MICU1: variants seen among roughly 807,000 people sequenced by gnomAD.
MICU1 encodes calcium uptake protein 1, mitochondrial.
A neutral mutation model predicts 56.8 loss-of-function variants in MICU1; 45 were observed. The ratio of observed to expected loss-of-function variants is 0.79; its 90% CI spans 0.62 to 1.02. The LOEUF is 1.02. MICU1 is among the 50% of genes least tolerant of loss of function. MICU1 has a pLI of 0.00. For synonymous variants in MICU1, 186 were observed against 195.1 expected (o/e 0.95, Z 0.39); for missense variants, 504 against 587.1 (o/e 0.86, Z 1.46).
Position 72,474,388 on chromosome 10 carries a change from T to C in MICU1, c.933+712A>G, listed in dbSNP as rs1280770592. Among the ~76,000 whole-genome samples, 8 of 150,892 alleles carry C rather than the reference T, an allele frequency of 5.3e-5. No individual in the cohort carries two copies. In the South Asian group the frequency reaches 1.5e-3, roughly 28 times the overall value. On this transcript the variant is annotated intron_variant, in intron 8 of 11. Coordinates refer to ENST00000361114, the MANE Select transcript of MICU1 (RefSeq NM_001195518.2). The stretch of plus-strand genomic sequence containing the variant: ...TTTTGTCTCCAGACAAAAATACATA[T>C]AGAAGGCATTTGATCAATGTTTTGA...
At chr10:72,413,251 G>A (rs985446936) in intron 9 of MICU1, among the ~76,000 whole-genome samples, 3 of 151,758 alleles carry the variant, frequency 2.0e-5, no homozygotes, top group Admixed American at 2.0e-4. Flanking sequence ...AACCACATAG[G>A]AGCAAATCTT....
At chr10:72,407,328 C>T (rs1394509550) in intron 10 of MICU1, among the ~76,000 whole-genome samples, 1 of 152,084 alleles carries the variant, frequency 6.6e-6, no homozygotes, top group African/African-American at 2.4e-5. Flanking sequence ...GTCAGTTGAG[C>T]TGAATATGTG....
rs1841556141 is a variant in MICU1, at chr10:72,602,192, C to T, written c.-2+23818G>A. Among the ~76,000 whole-genome samples the T allele has an allele frequency of 2.0e-5, 3 of 151,302 alleles. No homozygotes were observed. The South Asian group carries it at 6.3e-4, about 32-fold the overall frequency. ...ACAGGCCAGGCACGGTGGCTCTCTC[C>T]CAAATCCTAGCAATTTGGGAGGCTG... On this transcript the variant is annotated intron_variant, in intron 1 of 11. Transcript: ENST00000361114.
At chr10:72,494,530 G>C (rs1411724006) in intron 6 of MICU1, among the ~76,000 whole-genome samples, 1 of 151,998 alleles carries the variant, frequency 6.6e-6, no homozygotes, top group Non-Finnish European at 1.5e-5. Flanking sequence ...GTTACTATAA[G>C]CTTATTATCA....
chr10:72,446,061 G>A (rs1032684688), intron 8 of MICU1, among the ~76,000 whole-genome samples: 15 of 152,032 alleles, frequency 9.9e-5, no homozygotes, highest in African/African-American at 3.6e-4. Flanking sequence ...GTATGTCAGA[G>A]CTTGCAGAAT....
intron 6 of MICU1, among the ~76,000 whole-genome samples, chr10:72,486,106 T>G (rs1424227038): frequency 6.6e-6 from 1 of 152,132 alleles, no homozygotes; most frequent in Non-Finnish European, 1.5e-5. Flanking sequence ...GTTGCTCAAA[T>G]TATGTTATTT....
rs1159542862 is a variant in MICU1, at chr10:72,566,802, C to T, written c.-1-8G>A. 6 of 1,602,402 alleles carry T rather than the reference C, an allele frequency of 3.7e-6. No individual in the cohort carries two copies. Among genetic ancestry groups the T allele is most frequent in the Non-Finnish European group, 4.3e-6 (5 of 1,175,014 alleles). Reference sequence around the variant, plus strand: ...GAGTTCAGACGAAACATCCTGTGGACAATAAGTAGAAATGTCACTCTTAGC... The same window carrying T: ...GAGTTCAGACGAAACATCCTGTGGATAATAAGTAGAAATGTCACTCTTAGC... On this transcript the variant is annotated splice_region_variant and splice_polypyrimidine_tract_variant and intron_variant, in intron 1 of 11. Transcript: ENST00000361114.
In MICU1 at chr10:72,569,237, A is replaced by AT. The variant is rs1178823534; in HGVS notation, c.-1-2444dup. Among the ~76,000 whole-genome samples the AT allele has an allele frequency of 3.8e-3, 132 of 34,364 alleles. 12 individuals are homozygous for AT. Among genetic ancestry groups the AT allele is most frequent in the Admixed American group, 8.5e-3 (14 of 1,650 alleles). 22.5% of individuals were successfully genotyped at this position (34,364 alleles called of 152,430 possible). ...TATATATATATATATATATATATAT[A>AT]TTTTTTTTTTTTTTTGAGATGGCGT... On this transcript the variant is annotated intron_variant, in intron 1 of 11. Transcript: ENST00000361114.
intron 1 of MICU1, among the ~76,000 whole-genome samples, chr10:72,572,605 GATA>G (rs982342688): frequency 2.6e-5 from 4 of 151,922 alleles, no homozygotes; most frequent in African/African-American, 4.8e-5. Flanking sequence ...TATTAAAAAT[GATA>G]ATAATAAAAT....
chr10:72,412,454 A>G (rs1863846655), intron 9 of MICU1, among the ~76,000 whole-genome samples: 1 of 152,242 alleles, frequency 6.6e-6, no homozygotes, highest in Non-Finnish European at 1.5e-5. Context: ...AGAAGATAAG[A>G]TTAATGATAG....
At chr10:72,439,350 GC>G (rs564145863) in intron 8 of MICU1, among the ~76,000 whole-genome samples, 114 of 152,034 alleles carry the variant, frequency 7.5e-4, no homozygotes, top group African/African-American at 2.7e-3. Context: ...AAATTCAACA[GC>G]CCTTCAGGCT....
chr10:72,467,298 C>T (rs940093905), intron 8 of MICU1, among the ~76,000 whole-genome samples: 1 of 152,174 alleles, frequency 6.6e-6, no homozygotes, highest in Non-Finnish European at 1.5e-5. Context: ...ATTCTCATGC[C>T]TCAGCTTCCC....
At chr10:72,612,011 C>CA (rs55767300) in intron 1 of MICU1, among the ~76,000 whole-genome samples, 66,641 of 119,786 alleles carry the variant, frequency 0.56, 18,480 homozygotes, top group Non-Finnish European at 0.66. Flanking sequence ...ACCAACCAAC[C>CA]AAAAAAAAAA....
chr10:72,554,885 C>T (rs1216983041), intron 3 of MICU1, among the ~76,000 whole-genome samples: 2 of 152,018 alleles, frequency 1.3e-5, no homozygotes, highest in African/African-American at 4.8e-5. Flanking sequence ...TGTGGTGGTA[C>T]ACACCTGTAG....
At chr10:72,371,736 C>T (rs1015314470) in intron 11 of MICU1, among the ~76,000 whole-genome samples, 2 of 149,256 alleles carry the variant, frequency 1.3e-5, no homozygotes, top group African/African-American at 5.0e-5. Context: ...AAGAGTGAAA[C>T]TCCATCTCAA....
In MICU1 at chr10:72,517,494, C is replaced by T. The variant is rs137914862; in HGVS notation, c.538-9225G>A. 2.8e-3 allele frequency among the ~76,000 whole-genome samples: 419 copies of T among 152,236 alleles called. 1 individual carries two copies. Among genetic ancestry groups the T allele is most frequent in the African/African-American group, 9.6e-3 (400 of 41,552 alleles). On this transcript the variant is annotated intron_variant, in intron 5 of 11. Coordinates refer to ENST00000361114, the MANE Select transcript of MICU1 (RefSeq NM_001195518.2). ...GCAGCAACTTGGATAGGACTGGAAA[C>T]TATTATTATAAACGAAGTAACTCAA... is the stretch of plus-strand genomic sequence containing the variant.
At chr10:72,382,475 T>C (rs1002887392) in intron 10 of MICU1, among the ~76,000 whole-genome samples, 20 of 151,826 alleles carry the variant, frequency 1.3e-4, no homozygotes, top group Admixed American at 1.2e-3. Flanking sequence ...GTGATGTGGG[T>C]TGGGGGTTTC....
intron 5 of MICU1, among the ~76,000 whole-genome samples, chr10:72,527,671 T>A (rs1315835547): frequency 6.6e-6 from 1 of 151,824 alleles, no homozygotes; most frequent in Non-Finnish European, 1.5e-5. Flanking sequence ...ATCCGTAAAA[T>A]GATGATAAAA....
intron 8 of MICU1, among the ~76,000 whole-genome samples, chr10:72,455,286 G>T (rs777534214): frequency 2.4e-4 from 33 of 139,718 alleles, no homozygotes; most frequent in Non-Finnish European, 4.5e-4. Context: ...GGAGGTGGAG[G>T]TTGCAGTGAG....
Sources: gnomAD v4.1 joint callset for allele counts (sites outside exome capture counted in the v4.1 genomes callset) on GRCh38, gnomAD v4.1.1 for gene constraint, MANE v1.5 for transcripts, NCBI Gene and HGNC (gene_info 2026-07-23, HGNC 2026-07-21) for gene names.